The following TNR variants were observed in gnomAD, a reference collection of about 807,000 sequenced individuals.
TNR encodes the protein tenascin R, also known as tenascin-R.
A neutral mutation model predicts 150.4 loss-of-function variants in TNR; 45 were observed. That is an observed-to-expected ratio of 0.30 (90% CI 0.24 to 0.38). TNR has a LOEUF of 0.38. TNR is among the 10% of genes least tolerant of loss of function. The pLI is 1.00. For synonymous variants in TNR, 687 were observed against 678.4 expected (o/e 1.01, Z -0.20); for missense variants, 1,544 against 1,759.1 (o/e 0.88, Z 2.19).
chr1:175,513,908 G>A (rs1659297346), intron 2 of TNR, among the ~76,000 whole-genome samples: 1 of 152,200 alleles, frequency 6.6e-6, no homozygotes, highest in South Asian at 2.1e-4. Flanking sequence ...TCTGGGATGG[G>A]TTTGGAGTAT....
chr1:175,731,701 G>A (rs911963872), intron 1 of TNR, among the ~76,000 whole-genome samples: 3 of 152,142 alleles, frequency 2.0e-5, no homozygotes, highest in African/African-American at 7.2e-5. Flanking sequence ...CGCTTACCCT[G>A]CATCCTGCTG....
At chr1:175,563,816 G>A (rs1008117315) in intron 1 of TNR, among the ~76,000 whole-genome samples, 7 of 152,180 alleles carry the variant, frequency 4.6e-5, no homozygotes, top group African/African-American at 1.7e-4. Context: ...AATCAACTGT[G>A]AACAATTGGG....
intron 2 of TNR, among the ~76,000 whole-genome samples, chr1:175,467,273 TCCACCTCTCCCACC>T (rs1323887767): frequency 6.6e-6 from 1 of 152,112 alleles, no homozygotes; most frequent in Non-Finnish European, 1.5e-5. Context: ...CTGCCCACCG[TCCACCTCTCCCACC>T]CCACCAGCAA....
rs371230320 is a variant in TNR, at chr1:175,532,151, C to T, written c.-164-3782G>A. On this transcript the variant is annotated intron_variant, in intron 1 of 22. Transcript: ENST00000367674. ...TGCTTGAAAGGTTTTGGTTGATGTA[C>T]TGCAAATTGCTGGAGATGTTCCAGT... is the stretch of plus-strand genomic sequence containing the variant. Among the ~76,000 whole-genome samples, 83 of 152,334 alleles carry T rather than the reference C, an allele frequency of 5.4e-4. No individual in the cohort carries two copies. The Middle Eastern group carries it at 0.014, about 25-fold the overall frequency.
Position 175,547,307 on chromosome 1 carries a change from T to G in TNR, c.-164-18938A>C, listed in dbSNP as rs541925290. On this transcript the variant is annotated intron_variant, in intron 1 of 22. Coordinates refer to ENST00000367674, the MANE Select transcript of TNR (RefSeq NM_003285.3). The stretch of plus-strand genomic sequence containing the variant: ...CCACATGGCCCTGAAATCCCTTTTA[T>G]GTGGGACTGTCGCCACCCTCCTTGG... 5.3e-5 allele frequency among the ~76,000 whole-genome samples: 8 copies of G among 151,526 alleles called. No individual in the cohort carries two copies. In the East Asian group the frequency reaches 1.4e-3, roughly 26 times the overall value.
At chr1:175,706,044 T>C (rs1485611161) in intron 1 of TNR, among the ~76,000 whole-genome samples, 1 of 151,726 alleles carries the variant, frequency 6.6e-6, no homozygotes, top group African/African-American at 2.4e-5. Flanking sequence ...GGGGATAGAG[T>C]CAGCATTCAA....
intron 1 of TNR, among the ~76,000 whole-genome samples, chr1:175,641,239 C>A (rs976553019): frequency 1.4e-5 from 2 of 145,550 alleles, no homozygotes; most frequent in African/African-American, 2.8e-5. Context: ...AGTGGCCAAA[C>A]AAACATTTAA....
chr1:175,337,728 G>A, intron 18 of TNR, 49 bp from the exon 19 acceptor site: 1 of 1,597,974 alleles, frequency 6.3e-7, no homozygotes, highest in Non-Finnish European at 8.5e-7. Flanking sequence ...CTCTCACAGT[G>A]CACAAGAGCT....
At chr1:175,540,256 A>G (rs1660451045) in intron 1 of TNR, among the ~76,000 whole-genome samples, 1 of 152,164 alleles carries the variant, frequency 6.6e-6, no homozygotes, top group Non-Finnish European at 1.5e-5. Flanking sequence ...TGTGGAAGAA[A>G]TCTCAGGCAG....
chr1:175,507,139 G>T (rs1186790428), intron 2 of TNR, among the ~76,000 whole-genome samples: 3 of 152,176 alleles, frequency 2.0e-5, no homozygotes, highest in Non-Finnish European at 4.4e-5. Flanking sequence ...CAGCCACAGT[G>T]CCTGAGCCTC....
intron 20 of TNR, among the ~76,000 whole-genome samples, chr1:175,334,074 G>C (rs1650092397): frequency 6.6e-6 from 1 of 152,182 alleles, no homozygotes; most frequent in African/African-American, 2.4e-5. Context: ...TTCTCCTGGT[G>C]GTAATGTGGA....
chr1:175,396,479 A>T, intron 5 of TNR, 65 bp downstream of exon 5: 1 of 1,558,800 alleles, frequency 6.4e-7, no homozygotes, highest in Non-Finnish European at 8.7e-7. Context: ...CGCTACTATC[A>T]TGAATGCCCA....
Position 175,365,029 on chromosome 1 carries a change from A to T in TNR, c.2568T>A (p.Ile856=). 6.2e-7 allele frequency: 1 copy of T among 1,609,274 alleles called. No individual in the cohort carries two copies. The highest frequency in any genetic ancestry group is 8.5e-7 in the Non-Finnish European group (1 of 1,176,188). The change falls in exon 12 of 23, where the codon ATT becomes ATA. Residue 856 remains isoleucine (I), a synonymous_variant. Coordinates refer to ENST00000367674, the MANE Select transcript of TNR (RefSeq NM_003285.3). ...AVHGTVTSEP[I]VGSITTGIDP... is the part of the protein sequence containing the mutation. ...CCTCACCTGTGGTGATGGAGCCCAC[A>T]ATGGGCTCAGAGGTCACTGTGCCAT... is the stretch of plus-strand genomic sequence containing the variant.
chr1:175,448,900 C>A (rs981727363), intron 2 of TNR, among the ~76,000 whole-genome samples: 1 of 152,292 alleles, frequency 6.6e-6, no homozygotes, highest in South Asian at 2.1e-4. Flanking sequence ...CTGGTCTGAT[C>A]CTGCACCAAC....
chr1:175,582,796 C>A (rs940052783), intron 1 of TNR, among the ~76,000 whole-genome samples: 4 of 152,048 alleles, frequency 2.6e-5, no homozygotes, highest in Non-Finnish European at 4.4e-5. Context: ...GAGGTGGAAC[C>A]TTTACAAGGT....
intron 2 of TNR, among the ~76,000 whole-genome samples, chr1:175,488,651 G>T (rs1385322386): frequency 6.6e-6 from 1 of 152,212 alleles, no homozygotes; most frequent in Non-Finnish European, 1.5e-5. Flanking sequence ...CTTGGGTGAA[G>T]ACACTGAATA....
At chr1:175,597,786 A>G (rs1663068984) in intron 1 of TNR, among the ~76,000 whole-genome samples, 1 of 152,230 alleles carries the variant, frequency 6.6e-6, no homozygotes, top group South Asian at 2.1e-4. Flanking sequence ...GCCAGGCCCA[A>G]AAGAAAAACA....
intron 1 of TNR, among the ~76,000 whole-genome samples, chr1:175,631,717 T>C (rs1398891937): frequency 1.3e-5 from 2 of 152,090 alleles, no homozygotes; most frequent in Non-Finnish European, 1.5e-5. Context: ...GGTGTGTGTG[T>C]TTGTGTGTGT....
At chr1:175,685,094 A>T (rs747003177) in intron 1 of TNR, among the ~76,000 whole-genome samples, 1 of 151,978 alleles carries the variant, frequency 6.6e-6, no homozygotes, top group Non-Finnish European at 1.5e-5. Context: ...TACTTTCCAC[A>T]TTCTGGATAG....
Sources: gnomAD v4.1 joint callset for allele counts (sites outside exome capture counted in the v4.1 genomes callset) on GRCh38, gnomAD v4.1.1 for gene constraint, MANE v1.5 for transcripts, NCBI Gene and HGNC (gene_info 2026-07-23, HGNC 2026-07-21) for gene names.